SPON1: variants seen among roughly 807,000 people sequenced by gnomAD.
SPON1 encodes the protein spondin-1.
SPON1 carries 52 observed loss-of-function variants against 111.7 expected under a neutral mutation model. The observed-to-expected ratio is 0.47, with a 90% CI of 0.37 to 0.59. The LOEUF is 0.59. Among genes scored for constraint, SPON1 ranks in the 20% least tolerant of loss-of-function variants. The probability of loss-of-function intolerance (pLI) is 0.00; values close to 1 mark genes in which losing one functional copy is unlikely to be tolerated. For synonymous variants in SPON1, 410 were observed against 395.8 expected, an observed-to-expected ratio of 1.04 and a Z score of -0.43; for missense variants, 957 against 1,068.5, an observed-to-expected ratio of 0.90 and a Z score of 1.46.
intron 6 of SPON1, among the ~76,000 whole-genome samples, chr11:14,161,487 T>G (rs1554931331): frequency 6.6e-6 from 1 of 150,470 alleles, no homozygotes; most frequent in Non-Finnish European, 1.5e-5. Context: ...CCCAGATAAT[T>G]TTTATATTTT....
intron 2 of SPON1, among the ~76,000 whole-genome samples, chr11:14,034,352 A>G (rs1278728676): frequency 6.6e-6 from 1 of 152,216 alleles, no homozygotes; most frequent in African/African-American, 2.4e-5. Context: ...TTTAGTTGGT[A>G]GCTAACACGG....
chr11:14,002,139 A>T (rs936307648), intron 2 of SPON1, among the ~76,000 whole-genome samples: 1 of 152,240 alleles, frequency 6.6e-6, no homozygotes, highest in Non-Finnish European at 1.5e-5. Context: ...AGATAGGATT[A>T]CACAGGATGC....
At chr11:14,021,288 A>G in intron 2 of SPON1, among the ~76,000 whole-genome samples, 1 of 152,118 alleles carries the variant, frequency 6.6e-6, no homozygotes, top group Non-Finnish European at 1.5e-5. Flanking sequence ...TATGTGTTGA[A>G]TGAGTGTATG....
At chr11:13,980,247 G>C (rs1322687121) in intron 1 of SPON1, among the ~76,000 whole-genome samples, 11 of 152,028 alleles carry the variant, frequency 7.2e-5, no homozygotes, top group Admixed American at 7.2e-4. Context: ...TCACCATGTT[G>C]GCCAGGCTGG....
intron 5 of SPON1, among the ~76,000 whole-genome samples, chr11:14,110,292 T>A (rs1554925327): frequency 6.6e-6 from 1 of 152,214 alleles, no homozygotes; most frequent in African/African-American, 2.4e-5. Flanking sequence ...TCTTATTTTA[T>A]CTCTTCCTTT....
intron 6 of SPON1, among the ~76,000 whole-genome samples, chr11:14,236,705 A>G (rs1210871307): frequency 6.6e-6 from 1 of 152,208 alleles, no homozygotes; most frequent in African/African-American, 2.4e-5. Context: ...GAGACTGAGA[A>G]GGAAGAGTTG....
In SPON1 at chr11:14,262,861, C is replaced by G. The variant is rs750075222; in HGVS notation, c.2146C>G (p.Arg716Gly). 1 of 1,613,776 alleles carries G rather than the reference C, an allele frequency of 6.2e-7. No homozygotes were observed. The highest frequency in any genetic ancestry group is 1.1e-5 in the South Asian group (1 of 91,056). Residue 716 changes from arginine to glycine, a missense_variant, in exon 15 of 16, where the codon CGC (arginine) becomes GGC (glycine). Physicochemically the swap from Arg to Gly is moderately radical, Grantham distance 125. Around this residue, in one of 5 missense-constraint regions of SPON1, gnomAD observed 549 missense variants for 606.2 expected, o/e 0.91. Coordinates refer to ENST00000576479, the MANE Select transcript of SPON1 (RefSeq NM_006108.4). ...AGAGACTGTGCAGCGAAAAAAGTGC[C>G]GCATCCGAAAATGCCTTCGAAATCC... ...CPETVQRKKC[R>G]IRKCLRNPSI... is the part of the protein sequence containing the mutation.
intron 2 of SPON1, among the ~76,000 whole-genome samples, chr11:13,997,335 A>G (rs1365548244): frequency 1.3e-5 from 2 of 152,216 alleles, no homozygotes; most frequent in African/African-American, 2.4e-5. Context: ...TGGGTTTTGG[A>G]ATCATTAGAT....
At chr11:14,088,396 T>C (rs1554922950) in intron 5 of SPON1, among the ~76,000 whole-genome samples, 1 of 152,208 alleles carries the variant, frequency 6.6e-6, no homozygotes, top group African/African-American at 2.4e-5. Flanking sequence ...TGAAGCTTAA[T>C]TTGGCTAGAT....
chr11:14,063,652 A>G (rs1554920107), intron 3 of SPON1, among the ~76,000 whole-genome samples: 1 of 152,238 alleles, frequency 6.6e-6, no homozygotes, highest in African/African-American at 2.4e-5. Flanking sequence ...GGGCACAGAC[A>G]TTGAAAAGAA....
rs1847586642 is a variant in SPON1 at position 14,135,960 on chromosome 11, T to C, written c.825+392T>C. 6.6e-6 allele frequency among the ~76,000 whole-genome samples: 1 copy of C among 152,190 alleles called. No homozygotes were observed. Among genetic ancestry groups the C allele is most frequent in the Admixed American group, 6.5e-5 (1 of 15,278 alleles). Reference sequence around the variant, plus strand: ...AAATAAATGTTTGAGTATTGGCACGTGCTTTTTGCAACTATGTCTTGAGGT... The same window carrying C: ...AAATAAATGTTTGAGTATTGGCACGCGCTTTTTGCAACTATGTCTTGAGGT... On this transcript the variant is annotated intron_variant, in intron 6 of 15. Coordinates refer to ENST00000576479, the MANE Select transcript of SPON1 (RefSeq NM_006108.4). The surrounding 1 kb of genome is among the most constrained non-coding windows in gnomAD (Gnocchi z 4.4).
In SPON1 at chr11:14,111,786, C is replaced by G. The variant is rs113755989; in HGVS notation, c.677-23634C>G. On this transcript the variant is annotated intron_variant, in intron 5 of 15. Coordinates refer to ENST00000576479, the MANE Select transcript of SPON1 (RefSeq NM_006108.4). Reference sequence around the variant, plus strand: ...GCAGTAAAATGCTTCTTAAGCTCAACTTATGTGGGGTCTTATTCTTCATTA... The same window carrying G: ...GCAGTAAAATGCTTCTTAAGCTCAAGTTATGTGGGGTCTTATTCTTCATTA... Among the ~76,000 whole-genome samples the G allele has an allele frequency of 2.3e-3, 354 of 152,258 alleles. 1 individual carries two copies. The highest frequency in any genetic ancestry group is 7.7e-3 in the African/African-American group (318 of 41,532).
intron 5 of SPON1, among the ~76,000 whole-genome samples, chr11:14,093,124 T>G (rs1554923567): frequency 6.6e-6 from 1 of 152,246 alleles, no homozygotes; most frequent in African/African-American, 2.4e-5. Context: ...AGAGAAGGTC[T>G]GGATTCACTG....
intron 5 of SPON1, among the ~76,000 whole-genome samples, chr11:14,090,499 G>A (rs1429719773): frequency 2.6e-5 from 4 of 152,074 alleles, no homozygotes; most frequent in Admixed American, 2.0e-4. Flanking sequence ...GTTCAGATGT[G>A]TTTGGAGTTT....
chr11:14,148,266 C>CA (rs1554929552), intron 6 of SPON1, among the ~76,000 whole-genome samples: 2 of 151,866 alleles, frequency 1.3e-5, no homozygotes, highest in Non-Finnish European at 2.9e-5. Context: ...ATGATTGGTC[C>CA]CATTTGTGCT....
chr11:14,054,620 C>A (rs1554918976), intron 3 of SPON1, among the ~76,000 whole-genome samples: 1 of 151,694 alleles, frequency 6.6e-6, no homozygotes, highest in Non-Finnish European at 1.5e-5. Flanking sequence ...TACACGCAGA[C>A]TCTGAACAAC....
At chr11:14,045,246 G>C (rs1848659428) in intron 3 of SPON1, among the ~76,000 whole-genome samples, 1 of 152,042 alleles carries the variant, frequency 6.6e-6, no homozygotes, top group South Asian at 2.1e-4. Flanking sequence ...TCATATTCTT[G>C]TCCATTTTTT....
chr11:14,215,259 G>C (rs1424358477), intron 6 of SPON1, among the ~76,000 whole-genome samples: 1 of 152,092 alleles, frequency 6.6e-6, no homozygotes, highest in Non-Finnish European at 1.5e-5. Context: ...CTCCCTTTAT[G>C]GCCACAAGAT....
At chr11:14,008,241 T>C (rs1377588980) in intron 2 of SPON1, among the ~76,000 whole-genome samples, 1 of 151,934 alleles carries the variant, frequency 6.6e-6, no homozygotes, top group East Asian at 1.9e-4. Context: ...ACAGAAGGAG[T>C]ATATGGGAGG....
Sources: gnomAD v4.1 joint callset for allele counts (sites outside exome capture counted in the v4.1 genomes callset) on GRCh38, gnomAD v4.1.1 for gene constraint, gnomAD v4.1.1 regional missense constraint, Gnocchi (gnomAD v3.1) non-coding constraint, MANE v1.5 for transcripts, NCBI Gene and HGNC (gene_info 2026-07-23, HGNC 2026-07-21) for gene names.